The following POSTN variants were observed in gnomAD, a reference collection of about 807,000 sequenced individuals.
POSTN encodes periostin, also known as osteoblast specific factor 2 (fasciclin I-like).
POSTN carries 71 observed loss-of-function variants against 104.5 expected under a neutral mutation model. The ratio of observed to expected loss-of-function variants is 0.68; its 90% CI spans 0.56 to 0.83. The LOEUF is 0.83. Ranked by LOEUF, POSTN falls within the 40% of genes least tolerant of loss-of-function variation. The pLI is 0.00. For synonymous variants in POSTN, 355 were observed against 340.7 expected (o/e 1.04, Z -0.46); for missense variants, 949 against 1,006.8 (o/e 0.94, Z 0.78).
intron 2 of POSTN, 59 bp from the exon 3 acceptor site, chr13:37,592,223 A>T: frequency 9.5e-7 from 1 of 1,049,170 alleles, no homozygotes; most frequent in South Asian, 1.6e-5. Flanking sequence ...ACATTTTTAC[A>T]TAAATTTGAC....
chr13:37,567,673 T>C (rs553822134), intron 21 of POSTN, among the ~76,000 whole-genome samples: 1 of 152,054 alleles, frequency 6.6e-6, no homozygotes, highest in African/African-American at 2.4e-5. Flanking sequence ...CTTACAGATA[T>C]GTAGAGAGAT....
intron 9 of POSTN, among the ~76,000 whole-genome samples, chr13:37,583,642 C>A (rs1431097847): frequency 6.6e-6 from 1 of 151,904 alleles, no homozygotes; most frequent in African/African-American, 2.4e-5. Context: ...CCAGGCTGGT[C>A]TCAAACTCCT....
intron 8 of POSTN, 82 bp downstream of exon 8, chr13:37,584,634 A>T (rs1950691929): frequency 6.0e-6 from 7 of 1,161,910 alleles, no homozygotes; most frequent in Non-Finnish European, 1.2e-6. Context: ...TTCATTTTTC[A>T]TGGACTTACT....
chr13:37,598,612 G>T lies in POSTN; in HGVS notation c.115C>A (p.Gln39Lys), dbSNP rs368294704. Residue 39 changes from glutamine to lysine, a missense_variant, in exon 1 of 23, where the codon CAA becomes AAA. Physicochemically the swap from Gln to Lys is moderately conservative, Grantham distance 53. Transcript: ENST00000379747. ...AAAACCAAACCACTCACTTACCCTT[G>T]GTCCCGACCCCTGATACGACTATGA... is the stretch of plus-strand genomic sequence containing the variant. ...LAHSRIRGRD[Q>K]GPNVCALQQI... 2.3e-5 allele frequency: 37 copies of T among 1,610,246 alleles called. No homozygotes were observed. The highest frequency in any genetic ancestry group is 3.0e-5 in the Non-Finnish European group (35 of 1,177,456).
intron 2 of POSTN, among the ~76,000 whole-genome samples, chr13:37,592,521 A>G (rs1475679712): frequency 6.6e-6 from 1 of 151,992 alleles, no homozygotes; most frequent in Non-Finnish European, 1.5e-5. Context: ...GATGGTCTCA[A>G]TTTCCTGACC....
At position 37,565,190 on chromosome 13, in the gene POSTN, CTTTTAT is replaced by C. The variant is rs1490278217; in HGVS notation, c.2432-636_2432-631del. On this transcript the variant is annotated intron_variant, in intron 21 of 22. Coordinates refer to ENST00000379747, the MANE Select transcript of POSTN (RefSeq NM_006475.3). ...CTTTTAAAAAATTAACTAATAAAAG[CTTTTAT>C]ATTTAAGAACTGCAAGTGTTTCAAA... 5 of 152,052 alleles carry C rather than the reference CTTTTAT, an allele frequency of 3.3e-5. No homozygotes were observed. The East Asian group carries it at 9.6e-4, about 29-fold the overall frequency. The allele number at this position is 152,052 out of a possible 1,614,324, so 9.4% of individuals were successfully genotyped here. A position where few individuals can be genotyped will look rare whatever the true frequency, so the allele number is the denominator to read the frequency against.
At chr13:37,596,553 C>T (rs1384671925) in intron 2 of POSTN, among the ~76,000 whole-genome samples, 1 of 152,116 alleles carries the variant, frequency 6.6e-6, no homozygotes. Context: ...ACATAATCAT[C>T]CTTTGGGCTA....
rs2138329148 is a variant in POSTN, at chr13:37,586,851, A to G, written c.684T>C (p.Arg228=). ...ATNGVVHVID[R]VLTQIGTSIQ... ...TTGAGGTACCAATTTGTGTAAGCAC[A>G]CGGTCAATGACATGGACAACACCAT... The change falls in exon 6 of 23, where the codon CGT becomes CGC. Residue 228 remains arginine, a synonymous_variant. Transcript: ENST00000379747. 6.2e-7 allele frequency: 1 copy of G among 1,612,922 alleles called. No homozygotes were observed. The highest frequency in any genetic ancestry group is 8.5e-7 in the Non-Finnish European group (1 of 1,178,996).
rs766672202 is a variant in POSTN, at chr13:37,579,204, C to T, written c.1791+25G>A. 3 of 1,608,742 alleles carry T rather than the reference C, an allele frequency of 1.9e-6. No homozygotes were observed. In the South Asian group the frequency reaches 3.3e-5, roughly 18 times the overall value. On this transcript the variant is annotated intron_variant, in intron 13 of 22. Transcript: ENST00000379747. ...TAACTTAATGATGGATGAACACTAT[C>T]ATAAATTCATTCTAGACAACTTACT...
intron 2 of POSTN, among the ~76,000 whole-genome samples, chr13:37,593,875 C>A (rs1400572223): frequency 6.6e-6 from 1 of 151,544 alleles, no homozygotes; most frequent in African/African-American, 2.4e-5. Flanking sequence ...GATTTGTAGT[C>A]TGGTTTATAA....
At chr13:37,594,871 A>G (rs529914002) in intron 2 of POSTN, among the ~76,000 whole-genome samples, 4 of 152,274 alleles carry the variant, frequency 2.6e-5, no homozygotes, top group Non-Finnish European at 5.9e-5. Flanking sequence ...CTTCCTGTCA[A>G]TAGTATTGAT....
chr13:37,565,022 G>A (rs1566537833), intron 21 of POSTN: 1 of 153,826 alleles, frequency 6.5e-6, no homozygotes, highest in Non-Finnish European at 1.4e-5. Context: ...AGATCAATTT[G>A]TGATTCCTTT....
chr13:37,588,674 A>G (rs1425194182), intron 4 of POSTN, among the ~76,000 whole-genome samples: 1 of 152,176 alleles, frequency 6.6e-6, no homozygotes, highest in African/African-American at 2.4e-5. Flanking sequence ...GGTCTTTTAA[A>G]TCCAGTGCTG....
At chr13:37,581,038 TA>T (rs1313875834) in intron 10 of POSTN, among the ~76,000 whole-genome samples, 2 of 152,202 alleles carry the variant, frequency 1.3e-5, no homozygotes, top group Admixed American at 1.3e-4. Flanking sequence ...TGGCCAACAC[TA>T]TCTGTAAGGT....
chr13:37,564,766 T>C (rs1566537587), intron 21 of POSTN: 6 of 386,504 alleles, frequency 1.6e-5, no homozygotes, highest in Non-Finnish European at 2.8e-5. Flanking sequence ...CCATATATCA[T>C]AATGAATGTT....
At chr13:37,572,768 T>A (rs1157949077) in intron 17 of POSTN, among the ~76,000 whole-genome samples, 4 of 151,654 alleles carry the variant, frequency 2.6e-5, no homozygotes, top group Non-Finnish European at 5.9e-5. Context: ...CTTAAAATTG[T>A]GTCCTGGAGT....
chr13:37,578,939 T>C, intron 14 of POSTN, 28 bp from the exon 15 acceptor site: 1 of 1,594,482 alleles, frequency 6.3e-7, no homozygotes, highest in South Asian at 1.2e-5. Context: ...AAATGAATAT[T>C]GGTAAGAAAG....
At chr13:37,582,258 ATATT>A (rs1950614121) in intron 10 of POSTN, 104 bp downstream of exon 10, 1 of 1,278,602 alleles carries the variant, frequency 7.8e-7, no homozygotes. Flanking sequence ...GCTTCTATGA[ATATT>A]TACTATTAGA....
At chr13:37,582,560 C>A in intron 9 of POSTN, 46 bp from the exon 10 acceptor site, 16 of 1,509,152 alleles carry the variant, frequency 1.1e-5, no homozygotes, top group Non-Finnish European at 1.4e-5. Context: ...ATTTAGAAAA[C>A]ATTGAAGTTT....
Sources: gnomAD v4.1 joint callset for allele counts (sites outside exome capture counted in the v4.1 genomes callset) on GRCh38, gnomAD v4.1.1 for gene constraint, MANE v1.5 for transcripts, NCBI Gene and HGNC (gene_info 2026-07-23, HGNC 2026-07-21) for gene names.